SEC24D: variants seen among roughly 807,000 people sequenced by gnomAD.
The protein encoded by SEC24D is SEC24 homolog D, COPII component, also known as protein transport protein Sec24D.
In SEC24D, 69 loss-of-function variants were observed where a neutral mutation model predicts 116.9. The ratio of observed to expected loss-of-function variants is 0.59; its 90% CI spans 0.49 to 0.72. The LOEUF is 0.72. Ranked by LOEUF, SEC24D falls within the 30% of genes least tolerant of loss-of-function variation. SEC24D has a pLI of 0.00. For synonymous variants in SEC24D, 405 were observed against 442.8 expected (o/e 0.91, Z 1.07); for missense variants, 1,131 against 1,264.1 (o/e 0.89, Z 1.60).
At chr4:118,725,085 G>A (rs919229272) in intron 22 of SEC24D, among the ~76,000 whole-genome samples, 25 of 152,174 alleles carry the variant, frequency 1.6e-4, no homozygotes, top group African/African-American at 4.8e-4. Context: ...ATAACGTTTC[G>A]GCCTGGATCC....
chr4:118,790,709 G>A (rs191472954), intron 8 of SEC24D, among the ~76,000 whole-genome samples: 2 of 151,574 alleles, frequency 1.3e-5, no homozygotes, highest in Admixed American at 6.6e-5. Context: ...CGTCCAAACC[G>A]CTTGGGTTAG....
At chr4:118,776,669 A>G (rs1163091166) in intron 8 of SEC24D, among the ~76,000 whole-genome samples, 2 of 152,160 alleles carry the variant, frequency 1.3e-5, no homozygotes, top group Non-Finnish European at 2.9e-5. Flanking sequence ...GTAAGATATT[A>G]TCTCTCCAGA....
chr4:118,770,161 A>C (rs960227979), intron 8 of SEC24D, among the ~76,000 whole-genome samples: 1 of 152,194 alleles, frequency 6.6e-6, no homozygotes, highest in African/African-American at 2.4e-5. Context: ...AAAACACTCC[A>C]GGAACTTTAT....
At chr4:118,749,269 A>G (rs1040023999) in intron 13 of SEC24D, among the ~76,000 whole-genome samples, 6 of 152,168 alleles carry the variant, frequency 3.9e-5, no homozygotes, top group Admixed American at 1.3e-4. Flanking sequence ...CTTTAGCTGG[A>G]TATTTCAAGG....
chr4:118,810,139 A>AGTGTGTGTGTGTGTGTGT (rs1729858884), intron 6 of SEC24D, among the ~76,000 whole-genome samples: 2 of 37,456 alleles, frequency 5.3e-5, no homozygotes, highest in South Asian at 9.5e-4. Context: ...TGTGTGTGTC[A>AGTGTGTGTGTGTGTGTGT]GAGGGTATAG....
Position 118,723,269 on chromosome 4 carries a change from C to A in SEC24D, c.*246G>T. On this transcript the variant is annotated 3_prime_UTR_variant, in exon 23 of 23. Transcript: ENST00000280551. ...ACTTTGCCTTTTATGAAATGCAAAC[C>A]ACATCAGTTTTAAAAATTAGAAACT... 1 of 354,290 alleles carries A rather than the reference C, an allele frequency of 2.8e-6. No individual in the cohort carries two copies. Among genetic ancestry groups the A allele is most frequent in the Non-Finnish European group, 5.0e-6 (1 of 198,518 alleles). 21.9% of individuals were successfully genotyped at this position (354,290 alleles called of 1,614,324 possible).
At position 118,743,977 on chromosome 4, in the gene SEC24D, C is replaced by T; in HGVS notation, c.1995+11G>A. 1 of 1,589,666 alleles carries T rather than the reference C, an allele frequency of 6.3e-7. No individual in the cohort carries two copies. Among genetic ancestry groups the T allele is most frequent in the Non-Finnish European group, 8.6e-7 (1 of 1,168,840 alleles). On this transcript the variant is annotated intron_variant, in intron 15 of 22. Coordinates refer to ENST00000280551, the MANE Select transcript of SEC24D (RefSeq NM_014822.4). Reference sequence around the variant, plus strand: ...GTAGAAGACCAAGGTGAACAAATTGCTGGCATTTACCTGGAAATTGTTGTA... The same window carrying T: ...GTAGAAGACCAAGGTGAACAAATTGTTGGCATTTACCTGGAAATTGTTGTA...
At chr4:118,799,043 G>T (rs114504284) in intron 7 of SEC24D, among the ~76,000 whole-genome samples, 4 of 152,230 alleles carry the variant, frequency 2.6e-5, no homozygotes, top group Non-Finnish European at 4.4e-5. Flanking sequence ...TGTAATGTAG[G>T]TTCCTCTGCC....
At chr4:118,777,674 A>G (rs542276308) in intron 8 of SEC24D, among the ~76,000 whole-genome samples, 10 of 152,330 alleles carry the variant, frequency 6.6e-5, no homozygotes, top group Non-Finnish European at 1.3e-4. Flanking sequence ...TAGATCCTTG[A>G]GGAATCATCA....
intron 6 of SEC24D, among the ~76,000 whole-genome samples, chr4:118,808,226 G>T (rs570822061): frequency 2.0e-5 from 3 of 152,278 alleles, no homozygotes; most frequent in South Asian, 4.1e-4. Flanking sequence ...CACCAAAAGT[G>T]CTGGGATTAC....
At position 118,816,088 on chromosome 4, in the gene SEC24D, A is replaced by ATTTTTTT. The variant is rs34404398; in HGVS notation, c.398-369_398-363dup. On this transcript the variant is annotated intron_variant, in intron 4 of 22. Coordinates refer to ENST00000280551, the MANE Select transcript of SEC24D (RefSeq NM_014822.4). ...AGGCACACACCACCACGCCAAGTTCATTTTTTTTTTTTTTTTTTTTTGTAG... is the reference window on the plus strand; with the variant it reads ...AGGCACACACCACCACGCCAAGTTCATTTTTTTTTTTTTTTTTTTTTTTTTTTTGTAG... Among the ~76,000 whole-genome samples the ATTTTTTT allele has an allele frequency of 3.9e-5, 4 of 101,306 alleles. 1 individual carries two copies. The highest frequency in any genetic ancestry group is 2.5e-4 in the Admixed American group (2 of 7,894). 66.5% of individuals were successfully genotyped at this position (101,306 alleles called of 152,430 possible).
chr4:118,821,432 A>G (rs1730399354), intron 3 of SEC24D, among the ~76,000 whole-genome samples: 1 of 152,226 alleles, frequency 6.6e-6, no homozygotes, highest in African/African-American at 2.4e-5. Flanking sequence ...AACTCTATGT[A>G]GATAACTTTA....
intron 8 of SEC24D, among the ~76,000 whole-genome samples, chr4:118,780,932 T>G (rs1461368696): frequency 1.8e-5 from 2 of 108,556 alleles, no homozygotes; most frequent in South Asian, 3.1e-4. Flanking sequence ...TTTTTTTTTT[T>G]GCTTTCCATT....
chr4:118,814,984 T>C lies in SEC24D; in HGVS notation c.801+44A>G, dbSNP rs1343367888. 4 of 1,596,522 alleles carry C rather than the reference T, an allele frequency of 2.5e-6. No individual in the cohort carries two copies. The South Asian group carries it at 3.4e-5, about 13-fold the overall frequency. ...CTGATGAGTTGCTGAGAAAAATTAA[T>C]GCTCCTTTGTGAGTGAGACTGTGAG... On this transcript the variant is annotated intron_variant, in intron 6 of 22. Transcript: ENST00000280551.
At chr4:118,744,716 C>T (rs903249576) in intron 14 of SEC24D, among the ~76,000 whole-genome samples, 1 of 152,202 alleles carries the variant, frequency 6.6e-6, no homozygotes, top group Non-Finnish European at 1.5e-5. Flanking sequence ...TGAGCCACCG[C>T]GCCCAGCCTG....
intron 9 of SEC24D, among the ~76,000 whole-genome samples, chr4:118,765,136 T>G (rs1359943682): frequency 1.3e-5 from 2 of 152,226 alleles, no homozygotes. Flanking sequence ...AAAGAACATT[T>G]ATGATTTAGA....
At chr4:118,731,269 A>G (rs768100108) in intron 21 of SEC24D, 47 bp downstream of exon 21, 2 of 1,490,548 alleles carry the variant, frequency 1.3e-6, no homozygotes, top group Non-Finnish European at 1.9e-6. Flanking sequence ...ACATTTACGA[A>G]TTTATATTTT....
intron 2 of SEC24D, among the ~76,000 whole-genome samples, chr4:118,830,824 G>A (rs973637790): frequency 2.6e-5 from 4 of 151,964 alleles, no homozygotes; most frequent in African/African-American, 9.7e-5. Flanking sequence ...AGGAGTTGAT[G>A]GTTTGGAAAA....
At chr4:118,777,030 T>G (rs1728166444) in intron 8 of SEC24D, among the ~76,000 whole-genome samples, 1 of 152,204 alleles carries the variant, frequency 6.6e-6, no homozygotes, top group African/African-American at 2.4e-5. Flanking sequence ...AAGTATTCCC[T>G]GCATTAGTCT....
Sources: allele counts gnomAD v4.1 joint callset (sites outside exome capture counted in the v4.1 genomes callset), GRCh38; gene constraint gnomAD v4.1.1; transcripts MANE v1.5; gene names NCBI Gene and HGNC (gene_info 2026-07-23, HGNC 2026-07-21).